The following GABRR3 variants were observed in gnomAD, a reference collection of about 807,000 sequenced individuals.
The protein encoded by GABRR3 is gamma-aminobutyric acid type A receptor subunit rho3.
Under a neutral mutation model 43.2 loss-of-function variants are expected in GABRR3, and 29 were observed. That is an observed-to-expected ratio of 0.67 (90% CI 0.50 to 0.92). GABRR3 has a LOEUF of 0.92. GABRR3 is among the 40% of genes least tolerant of loss of function. GABRR3 has a pLI of 0.00. For synonymous variants in GABRR3, 206 were observed against 195.9 expected (o/e 1.05, Z -0.43); for missense variants, 576 against 572.3 (o/e 1.01, Z -0.07).
At chr3:98,008,913 G>A (rs762458701) in intron 6 of GABRR3, 43 bp downstream of exon 6, 2 of 1,160,156 alleles carry the variant, frequency 1.7e-6, no homozygotes, top group Non-Finnish European at 2.5e-6. Flanking sequence ...GTGATGGTGT[G>A]TTCAAATGAT....
chr3:97,998,942 G>C (rs555531977), intron 8 of GABRR3: 2 of 151,900 alleles, frequency 1.3e-5, no homozygotes, highest in Non-Finnish European at 1.5e-5. Context: ...TGATAGACAC[G>C]ACCCACAGCA....
At chr3:98,024,265 T>C (rs1477253289) in intron 3 of GABRR3, among the ~76,000 whole-genome samples, 2 of 147,954 alleles carry the variant, frequency 1.4e-5, no homozygotes, top group East Asian at 4.0e-4. Flanking sequence ...AGGCTGAGGC[T>C]GGAGAATCAC....
chr3:98,017,408 T>C (rs1706885027), intron 4 of GABRR3, among the ~76,000 whole-genome samples: 1 of 152,190 alleles, frequency 6.6e-6, no homozygotes, highest in South Asian at 2.1e-4. Context: ...CATGATGTTC[T>C]ACAGTGTTCC....
intron 7 of GABRR3, among the ~76,000 whole-genome samples, chr3:98,006,574 T>A (rs140682833): frequency 1.3e-5 from 2 of 152,192 alleles, no homozygotes; most frequent in African/African-American, 4.8e-5. Flanking sequence ...GTGGAGAATC[T>A]TTGAGGAGAA....
chr3:98,009,661 G>C (rs184258525), intron 5 of GABRR3, among the ~76,000 whole-genome samples: 65 of 152,246 alleles, frequency 4.3e-4, no homozygotes, highest in African/African-American at 1.5e-3. Context: ...AGAGGCTGCT[G>C]TACTATGATC....
chr3:98,017,833 T>G, intron 3 of GABRR3, 111 bp from the exon 4 acceptor site: 1 of 712,556 alleles, frequency 1.4e-6, no homozygotes, highest in Non-Finnish European at 2.3e-6. Context: ...ACTGTTAAAG[T>G]TTTTTTAAAC....
chr3:98,017,557 A>C, intron 4 of GABRR3, 98 bp downstream of exon 4: 1 of 827,310 alleles, frequency 1.2e-6, no homozygotes, highest in East Asian at 2.7e-5. Flanking sequence ...CATAAATAAC[A>C]TACATAATTA....
downstream of GABRR3, among the ~76,000 whole-genome samples, chr3:97,985,379 T>C (rs558265742): frequency 4.6e-5 from 7 of 152,338 alleles, no homozygotes; most frequent in African/African-American, 1.2e-4. Flanking sequence ...TTTCATTCAG[T>C]TTTTTCACTC....
chr3:98,009,781 G>A (rs1706765456), intron 5 of GABRR3, among the ~76,000 whole-genome samples: 1 of 152,182 alleles, frequency 6.6e-6, no homozygotes, highest in African/African-American at 2.4e-5. Context: ...TACCTGTGGT[G>A]CCCTTGAGTT....
At chr3:97,988,661 G>A (rs894393414) in intron 9 of GABRR3, among the ~76,000 whole-genome samples, 7 of 150,010 alleles carry the variant, frequency 4.7e-5, no homozygotes, top group African/African-American at 1.5e-4. Flanking sequence ...GGTGGGTGGT[G>A]TTGGGTGGTG....
chr3:97,992,891 G>C, exon 9 of GABRR3: 1 of 1,612,962 alleles, frequency 6.2e-7, no homozygotes. Context: ...CTTCCACTGT[G>C]GTGAGGTAGT....
chr3:97,992,312 C>T (rs1051341443), intron 9 of GABRR3, among the ~76,000 whole-genome samples: 2 of 152,100 alleles, frequency 1.3e-5, no homozygotes, highest in Admixed American at 1.3e-4. Context: ...AGAGCACACA[C>T]ACAGCCTTTG....
intron 2 of GABRR3, among the ~76,000 whole-genome samples, chr3:98,027,567 T>G (rs1707037035): frequency 6.6e-6 from 1 of 152,278 alleles, no homozygotes. Context: ...GAGCCCACTG[T>G]GAAATGCTCT....
chr3:98,034,097 C>T (rs957713433), intron 2 of GABRR3, among the ~76,000 whole-genome samples: 1 of 152,028 alleles, frequency 6.6e-6, no homozygotes. Context: ...CCTTTTGGGT[C>T]TTTTTGGAAA....
chr3:98,031,353 G>A (rs1183168795), intron 2 of GABRR3, among the ~76,000 whole-genome samples: 1 of 152,102 alleles, frequency 6.6e-6, no homozygotes, highest in Non-Finnish European at 1.5e-5. Flanking sequence ...GGTTCACGTG[G>A]TACATTAACT....
intron 2 of GABRR3, among the ~76,000 whole-genome samples, chr3:98,032,140 A>C (rs947354622): frequency 1.3e-5 from 2 of 151,858 alleles, no homozygotes; most frequent in East Asian, 3.9e-4. Flanking sequence ...ATACTGTAGT[A>C]TTTCTACAAT....
At chr3:98,028,997 C>T (rs1033658357) in intron 2 of GABRR3, among the ~76,000 whole-genome samples, 1 of 151,958 alleles carries the variant, frequency 6.6e-6, no homozygotes, top group Non-Finnish European at 1.5e-5. Flanking sequence ...CTTTAAATCC[C>T]TTTGTGTCTT....
chr3:97,991,557 T>A (rs1285687635), intron 9 of GABRR3, among the ~76,000 whole-genome samples: 2 of 152,332 alleles, frequency 1.3e-5, no homozygotes, highest in Non-Finnish European at 2.9e-5. Flanking sequence ...TCAGCTCTTA[T>A]TAGAGCTTTG....
chr3:97,988,042 C>T (rs935451810), intron 9 of GABRR3, among the ~76,000 whole-genome samples: 3 of 151,934 alleles, frequency 2.0e-5, no homozygotes, highest in Non-Finnish European at 4.4e-5. Context: ...CCAGGGCATA[C>T]GATTCATCCA....
Sources: allele counts gnomAD v4.1 joint callset (sites outside exome capture counted in the v4.1 genomes callset), GRCh38; gene constraint gnomAD v4.1.1; transcripts MANE v1.5; gene names NCBI Gene and HGNC (gene_info 2026-07-23, HGNC 2026-07-21).